The following SASH1 variants were observed in gnomAD, a reference collection of about 807,000 sequenced individuals.
SASH1 encodes SAM and SH3 domain-containing protein 1.
A neutral mutation model predicts 125.2 loss-of-function variants in SASH1; 44 were observed. The ratio of observed to expected loss-of-function variants is 0.35; its 90% CI spans 0.28 to 0.45. The LOEUF (loss-of-function observed/expected upper bound fraction) is 0.45, where lower values mean the gene tolerates loss of function less well. Ranked by LOEUF, SASH1 falls within the 20% of genes least tolerant of loss-of-function variation. The pLI is 1.00. For synonymous variants in SASH1, 639 were observed against 649.1 expected, an observed-to-expected ratio of 0.98 and a Z score of 0.24; for missense variants, 1,426 against 1,614.5, an observed-to-expected ratio of 0.88 and a Z score of 2.00.
chr6:148,430,209 G>A (rs185052767), intron 2 of SASH1, among the ~76,000 whole-genome samples: 14 of 152,326 alleles, frequency 9.2e-5, no homozygotes, highest in African/African-American at 3.4e-4. Context: ...CTGCACTCAG[G>A]GAGCAGAGGA....
rs1778115957 is a variant in SASH1 at position 148,471,504 on chromosome 6, G to A, written c.514+1G>A. ...GGAATAATGAGACAGACTTCAAAAGGTACTGCAATGCAGCTGGCGGACAGT... is the reference window on the plus strand; with the variant it reads ...GGAATAATGAGACAGACTTCAAAAGATACTGCAATGCAGCTGGCGGACAGT... On this transcript the variant is annotated splice_donor_variant, in intron 6 of 19. Coordinates refer to ENST00000367467, the MANE Select transcript of SASH1 (RefSeq NM_015278.5). LOFTEE classifies it high-confidence loss of function. The A allele has an allele frequency of 6.4e-7, 1 of 1,559,910 alleles. No individual in the cohort carries two copies. The highest frequency in any genetic ancestry group is 1.4e-5 in the African/African-American group (1 of 72,474).
At chr6:148,201,279 G>T in the SASH1 span, among the ~76,000 whole-genome samples, 1 of 152,176 alleles carries the variant, frequency 6.6e-6, no homozygotes, top group African/African-American at 2.4e-5. Flanking sequence ...TCTGCATAAT[G>T]CCCCTGTGTT....
chr6:148,429,092 T>G (rs1216194345), intron 2 of SASH1, among the ~76,000 whole-genome samples: 3 of 152,228 alleles, frequency 2.0e-5, no homozygotes, highest in South Asian at 4.1e-4. Context: ...TTTTAAGTTC[T>G]TATGTATCTA....
intron 12 of SASH1, 26 bp downstream of exon 12, chr6:148,527,622 C>A: frequency 6.3e-7 from 1 of 1,582,878 alleles, no homozygotes; most frequent in Non-Finnish European, 8.5e-7. Flanking sequence ...GTAGAATGTT[C>A]CCTTGGTTCT....
chr6:148,352,211 G>A (rs549724049), intron 1 of SASH1, among the ~76,000 whole-genome samples: 29 of 152,310 alleles, frequency 1.9e-4, no homozygotes, highest in African/African-American at 7.0e-4. Flanking sequence ...ACCTGGGTGA[G>A]TTATTTAATT....
the SASH1 span, among the ~76,000 whole-genome samples, chr6:148,234,119 C>A: frequency 5.0e-3 from 758 of 151,792 alleles, 1 homozygote; most frequent in Non-Finnish European, 8.1e-3. Context: ...ATCACTGCAG[C>A]TTTAAACTCC....
chr6:148,215,599 T>C, the SASH1 span, among the ~76,000 whole-genome samples: 1 of 152,168 alleles, frequency 6.6e-6, no homozygotes, highest in Non-Finnish European at 1.5e-5. Context: ...CTTGTAATTT[T>C]TTAAAATCTT....
intron 2 of SASH1, among the ~76,000 whole-genome samples, chr6:148,410,954 G>A (rs1227380661): frequency 1.3e-5 from 2 of 152,096 alleles, no homozygotes; most frequent in Non-Finnish European, 2.9e-5. Flanking sequence ...GAAGTTAGGA[G>A]TTCGAGACCA....
At chr6:148,221,215 C>G in the SASH1 span, among the ~76,000 whole-genome samples, 41 of 152,188 alleles carry the variant, frequency 2.7e-4, no homozygotes, top group East Asian at 7.9e-3. Flanking sequence ...TTATTATTAA[C>G]AGGCCCAATA....
At chr6:148,285,574 C>CCT (rs900321115) in intron 1 of SASH1, among the ~76,000 whole-genome samples, 1 of 151,184 alleles carries the variant, frequency 6.6e-6, no homozygotes, top group Admixed American at 6.6e-5. Context: ...GTTTTTTTTT[C>CCT]CTCTCTCTCT....
the SASH1 span, among the ~76,000 whole-genome samples, chr6:148,227,009 G>T: frequency 6.6e-6 from 1 of 152,118 alleles, no homozygotes; most frequent in East Asian, 1.9e-4. Context: ...AGGGAAACTT[G>T]GAGTCAGGAG....
At chr6:148,295,658 T>C (rs1779745440) in intron 1 of SASH1, among the ~76,000 whole-genome samples, 1 of 152,170 alleles carries the variant, frequency 6.6e-6, no homozygotes, top group East Asian at 1.9e-4. Flanking sequence ...ATACATTCAG[T>C]TTAAGCTGAT....
At chr6:148,512,881 C>A (rs1398761581) in intron 8 of SASH1, 2 of 984,948 alleles carry the variant, frequency 2.0e-6, no homozygotes, top group Non-Finnish European at 2.4e-6. Context: ...TATAGTTAAC[C>A]ATAAGTGGGT....
chr6:148,405,073 T>C (rs1394967910), intron 2 of SASH1, among the ~76,000 whole-genome samples: 1 of 152,018 alleles, frequency 6.6e-6, no homozygotes, highest in Non-Finnish European at 1.5e-5. Context: ...CAGAACTTAC[T>C]GCTCAAACCG....
the SASH1 span, among the ~76,000 whole-genome samples, chr6:148,206,964 C>A: frequency 1.3e-5 from 2 of 152,188 alleles, no homozygotes; most frequent in African/African-American, 2.4e-5. Context: ...CAATCCCTAG[C>A]ACAAATGTGC....
intron 1 of SASH1, among the ~76,000 whole-genome samples, chr6:148,366,815 C>G (rs1277654301): frequency 6.6e-6 from 1 of 152,074 alleles, no homozygotes; most frequent in Non-Finnish European, 1.5e-5. Flanking sequence ...TCAGGCTGGT[C>G]TCAAACTCCT....
intron 17 of SASH1, 70 bp downstream of exon 17, chr6:148,540,626 A>G (rs1431673780): frequency 3.5e-6 from 4 of 1,150,530 alleles, no homozygotes; most frequent in Non-Finnish European, 5.1e-6. Context: ...TTTTCTGCAA[A>G]AGGACGATTC....
chr6:148,493,772 G>A (rs896888162), intron 8 of SASH1, among the ~76,000 whole-genome samples: 1 of 152,224 alleles, frequency 6.6e-6, no homozygotes, highest in South Asian at 2.1e-4. Context: ...CCCTTTGCCA[G>A]AGAAGAATCT....
At chr6:148,466,881 A>C (rs1459460763) in intron 4 of SASH1, among the ~76,000 whole-genome samples, 1 of 151,974 alleles carries the variant, frequency 6.6e-6, no homozygotes, top group Non-Finnish European at 1.5e-5. Context: ...CTTCAGATGC[A>C]AAAATCACCT....
Sources: allele counts gnomAD v4.1 joint callset (sites outside exome capture counted in the v4.1 genomes callset), GRCh38; gene constraint gnomAD v4.1.1; transcripts MANE v1.5; gene names NCBI Gene and HGNC (gene_info 2026-07-23, HGNC 2026-07-21).